YWHAQ: variants seen among roughly 807,000 people sequenced by gnomAD.
YWHAQ encodes tyrosine 3-monooxygenase/tryptophan 5-monooxygenase activation protein theta.
A neutral mutation model predicts 28.3 loss-of-function variants in YWHAQ; 6 were observed. The observed-to-expected ratio is 0.21, with a 90% CI of 0.12 to 0.42. The LOEUF (loss-of-function observed/expected upper bound fraction) is 0.42, where lower values mean the gene tolerates loss of function less well. YWHAQ is among the 10% of genes least tolerant of loss of function. The pLI is 1.00. For missense variants in YWHAQ, 201 were observed against 305.6 expected, an observed-to-expected ratio of 0.66 and a Z score of 2.55; for synonymous variants, 143 against 119.1, an observed-to-expected ratio of 1.20 and a Z score of -1.31.
intron 2 of YWHAQ, among the ~76,000 whole-genome samples, chr2:9,597,895 C>A (rs1286957924): frequency 6.6e-6 from 1 of 151,198 alleles, no homozygotes; most frequent in Non-Finnish European, 1.5e-5. Context: ...TCTCGGCTCA[C>A]CGCAACCTCT....
rs1241630038 is a variant in YWHAQ, at chr2:9,630,054, G to A, written c.294+105C>T. 23 of 1,468,252 alleles carry A rather than the reference G, an allele frequency of 1.6e-5. No homozygotes were observed. In the East Asian group the frequency reaches 3.9e-4, roughly 25 times the overall value. The allele number at this position is 1,468,252 out of a possible 1,614,324, so 91.0% of individuals were successfully genotyped here. On this transcript the variant is annotated intron_variant, in intron 2 of 5. Transcript: ENST00000238081. This position sits in a 1 kb window ranked among gnomAD's most constrained non-coding sequence, Gnocchi z 5.6. ...TCACCTAAAACCCTCCACCCCAGCAGACAGTCCGGCAAGCCCCGGCTCACG... is the reference window on the plus strand; with the variant it reads ...TCACCTAAAACCCTCCACCCCAGCAAACAGTCCGGCAAGCCCCGGCTCACG...
Position 9,584,209 on chromosome 2 carries a change from A to T in YWHAQ, c.*1077T>A, listed in dbSNP as rs1190824088. ...GAAGTATCAATAAACTTTAGAAAGT[A>T]GTAAATTCACCTGTCCCTTAAAATA... On this transcript the variant is annotated 3_prime_UTR_variant, in exon 6 of 6. Coordinates refer to ENST00000238081, the MANE Select transcript of YWHAQ (RefSeq NM_006826.4). 1 of 152,704 alleles carries T rather than the reference A, an allele frequency of 6.5e-6. No homozygotes were observed. Among genetic ancestry groups the T allele is most frequent in the African/African-American group, 2.4e-5 (1 of 41,478 alleles). The allele number at this position is 152,704 out of a possible 1,614,324, so 9.5% of individuals were successfully genotyped here.
chr2:9,606,857 G>A (rs1208371108), intron 2 of YWHAQ, among the ~76,000 whole-genome samples: 1 of 151,138 alleles, frequency 6.6e-6, no homozygotes, highest in Non-Finnish European at 1.5e-5. Context: ...TAAACAGCCT[G>A]TCTGGCAACA....
At chr2:9,594,197 CTG>C (rs1393115947) in intron 2 of YWHAQ, among the ~76,000 whole-genome samples, 2 of 152,062 alleles carry the variant, frequency 1.3e-5, no homozygotes, top group Non-Finnish European at 2.9e-5. Flanking sequence ...ACACTCTTAA[CTG>C]TAAAAACAAC....
At chr2:9,616,081 A>G (rs909790743) in intron 2 of YWHAQ, among the ~76,000 whole-genome samples, 6 of 152,346 alleles carry the variant, frequency 3.9e-5, no homozygotes, top group East Asian at 3.9e-4. Context: ...ACATTACAGT[A>G]GAGTAATGGA....
chr2:9,630,645 T>TCCCTCTCCCCCG lies in YWHAQ; in HGVS notation c.-82-123_-82-112dup. On this transcript the variant is annotated intron_variant, in intron 1 of 5. Transcript: ENST00000238081. The surrounding 1 kb of genome is among the most constrained non-coding windows in gnomAD (Gnocchi z 5.6). ...TCCCGCACACGCGGCCGCTTGAATTTCCCTCTCCCCCGCCCCCTCCCCCGC... is the reference window on the plus strand; with the variant it reads ...TCCCGCACACGCGGCCGCTTGAATTTCCCTCTCCCCCGCCCTCTCCCCCGCCCCCTCCCCCGC... The TCCCTCTCCCCCG allele has an allele frequency of 3.8e-6, 2 of 532,838 alleles. No individual in the cohort carries two copies. The highest frequency in any genetic ancestry group is 7.9e-5 in the Admixed American group (2 of 25,158). The allele number at this position is 532,838 out of a possible 1,614,324, so 33.0% of individuals were successfully genotyped here. A position where few individuals can be genotyped will look rare whatever the true frequency, so the allele number is the denominator to read the frequency against.
At chr2:9,608,352 G>A (rs536264275) in intron 2 of YWHAQ, among the ~76,000 whole-genome samples, 16 of 152,312 alleles carry the variant, frequency 1.1e-4, no homozygotes, top group South Asian at 2.1e-4. Context: ...CAACAGTGTG[G>A]AGGAGGGTGA....
At chr2:9,616,022 C>T (rs1278758867) in intron 2 of YWHAQ, among the ~76,000 whole-genome samples, 1 of 152,154 alleles carries the variant, frequency 6.6e-6, no homozygotes, top group Non-Finnish European at 1.5e-5. Context: ...ACCCAAATTG[C>T]ATTTCGTAGG....
chr2:9,597,801 T>TTTA (rs1024637086), intron 2 of YWHAQ, among the ~76,000 whole-genome samples: 8 of 151,128 alleles, frequency 5.3e-5, no homozygotes, highest in Non-Finnish European at 5.9e-5. Context: ...TTTTTTTTTT[T>TTTA]TTATTGAGAC....
chr2:9,619,096 T>A (rs535484653), intron 2 of YWHAQ, among the ~76,000 whole-genome samples: 1 of 152,212 alleles, frequency 6.6e-6, no homozygotes, highest in Non-Finnish European at 1.5e-5. Flanking sequence ...ATATGTTGCT[T>A]TGGTATCCTG....
At chr2:9,588,708 T>A (rs1399801986) in intron 3 of YWHAQ, among the ~76,000 whole-genome samples, 1 of 152,062 alleles carries the variant, frequency 6.6e-6, no homozygotes. Context: ...GAGGCTGAGG[T>A]TGCAGTGAGC....
chr2:9,607,804 T>C (rs985932034), intron 2 of YWHAQ, among the ~76,000 whole-genome samples: 1 of 149,138 alleles, frequency 6.7e-6, no homozygotes, highest in Non-Finnish European at 1.5e-5. Context: ...CTCTGCCTCC[T>C]GGGTTCAAGC....
intron 2 of YWHAQ, among the ~76,000 whole-genome samples, chr2:9,618,558 G>A (rs1461146127): frequency 6.6e-6 from 1 of 152,124 alleles, no homozygotes; most frequent in African/African-American, 2.4e-5. Flanking sequence ...CCAGGCTTGA[G>A]TGAAGTGGCA....
At chr2:9,600,834 C>T (rs1488475343) in intron 2 of YWHAQ, among the ~76,000 whole-genome samples, 1 of 152,202 alleles carries the variant, frequency 6.6e-6, no homozygotes, top group East Asian at 1.9e-4. Context: ...CAACCATCAA[C>T]ATGGAGGCAA....
intron 2 of YWHAQ, among the ~76,000 whole-genome samples, chr2:9,598,515 T>C (rs1047105825): frequency 3.9e-5 from 6 of 152,226 alleles, no homozygotes; most frequent in African/African-American, 1.2e-4. Context: ...AGCATGTCTA[T>C]CAGAGCCAAT....
intron 2 of YWHAQ, among the ~76,000 whole-genome samples, chr2:9,623,015 T>C (rs1667171107): frequency 1.3e-5 from 2 of 152,208 alleles, no homozygotes; most frequent in South Asian, 4.1e-4. Context: ...ATGATAAAAA[T>C]AGAGAACATT....
In YWHAQ at chr2:9,630,509, A is replaced by C; in HGVS notation, c.-57T>G. On this transcript the variant is annotated 5_prime_UTR_variant, in exon 2 of 6. Coordinates refer to ENST00000238081, the MANE Select transcript of YWHAQ (RefSeq NM_006826.4). The surrounding 1 kb of genome is among the most constrained non-coding windows in gnomAD (Gnocchi z 5.6). ...GCGAGGAGAGCGAGGGCGAGCGCCG[A>C]CCCGCAGCGGGAGGAGCCTCGAGAG... 6.8e-7 allele frequency: 1 copy of C among 1,469,676 alleles called. No homozygotes were observed. Among genetic ancestry groups the C allele is most frequent in the Non-Finnish European group, 9.0e-7 (1 of 1,109,936 alleles). 91.0% of individuals were successfully genotyped at this position (1,469,676 alleles called of 1,614,324 possible).
intron 2 of YWHAQ, among the ~76,000 whole-genome samples, chr2:9,593,851 AG>A (rs540772934): frequency 5.9e-4 from 89 of 150,688 alleles, no homozygotes; most frequent in African/African-American, 2.1e-3. Flanking sequence ...GAAAAAAACC[AG>A]AAAAACATTA....
At chr2:9,591,559 A>G in intron 2 of YWHAQ, 44 bp from the exon 3 acceptor site, 1 of 1,574,692 alleles carries the variant, frequency 6.4e-7, no homozygotes, top group Non-Finnish European at 8.7e-7. Flanking sequence ...ACTTCTGCCT[A>G]CTGTGCATTA....
Sources: gnomAD v4.1 joint callset for allele counts (sites outside exome capture counted in the v4.1 genomes callset) on GRCh38, gnomAD v4.1.1 for gene constraint, Gnocchi (gnomAD v3.1) non-coding constraint, MANE v1.5 for transcripts, NCBI Gene and HGNC (gene_info 2026-07-23, HGNC 2026-07-21) for gene names.